The following GCH1 variants were observed in gnomAD, a reference collection of about 807,000 sequenced individuals.
GCH1 encodes the protein GTP cyclohydrolase I.
In GCH1, 5 loss-of-function variants were observed where a neutral mutation model predicts 25.9. That is an observed-to-expected ratio of 0.19 (90% CI 0.10 to 0.41). The LOEUF (loss-of-function observed/expected upper bound fraction) is 0.41. GCH1 is among the 10% of genes least tolerant of loss of function. The pLI, the probability that GCH1 is intolerant of heterozygous loss-of-function variation, is 1.00. For missense variants in GCH1, 261 were observed against 336.5 expected (o/e 0.78, Z 1.75); for synonymous variants, 159 against 129.6 (o/e 1.23, Z -1.54).
Position 54,843,149 on chromosome 14 carries a change from A to T in GCH1, c.*868T>A. 6.6e-7 allele frequency: 1 copy of T among 1,515,858 alleles called. No homozygotes were observed. The allele number at this position is 1,515,858 out of a possible 1,614,324, so 93.9% of individuals were successfully genotyped here. A position where few individuals can be genotyped will look rare whatever the true frequency, so the allele number is the denominator to read the frequency against. Reference sequence around the variant, plus strand: ...AGAAGAAGAAGAAACATTTTGAGGCATCTACATGGATCACACAAAGGAAAC... The same window carrying T: ...AGAAGAAGAAGAAACATTTTGAGGCTTCTACATGGATCACACAAAGGAAAC... On this transcript the variant is annotated 3_prime_UTR_variant, in exon 6 of 6. Transcript: ENST00000491895.
At chr14:54,852,103 A>G (rs2039740160) in intron 3 of GCH1, among the ~76,000 whole-genome samples, 1 of 152,162 alleles carries the variant, frequency 6.6e-6, no homozygotes, top group African/African-American at 2.4e-5. Context: ...TTTTTAATAT[A>G]TAGTAAGTCC....
intron 1 of GCH1, among the ~76,000 whole-genome samples, chr14:54,881,856 A>G (rs1410083441): frequency 6.6e-6 from 1 of 152,196 alleles, no homozygotes; most frequent in Non-Finnish European, 1.5e-5. Context: ...ATTGAAATAG[A>G]TGTTCTCAGC....
At chr14:54,853,223 C>T (rs1594977001) in intron 3 of GCH1, among the ~76,000 whole-genome samples, 1 of 152,282 alleles carries the variant, frequency 6.6e-6, no homozygotes, top group East Asian at 1.9e-4. Flanking sequence ...CTTGGCCTCC[C>T]AAAGTGCTGA....
At chr14:54,870,261 G>T (rs775728445) in intron 1 of GCH1, among the ~76,000 whole-genome samples, 2 of 150,404 alleles carry the variant, frequency 1.3e-5, no homozygotes, top group African/African-American at 4.9e-5. Flanking sequence ...ACTTTGGGAG[G>T]CGAAGGTGAG....
chr14:54,893,014 G>A (rs911023455), intron 1 of GCH1, among the ~76,000 whole-genome samples: 1 of 152,154 alleles, frequency 6.6e-6, no homozygotes, highest in African/African-American at 2.4e-5. Context: ...GGGCGGCAGA[G>A]GTTTCAGTGA....
At chr14:54,901,178 C>CGCT (rs2044220950) in intron 1 of GCH1, among the ~76,000 whole-genome samples, 1 of 150,924 alleles carries the variant, frequency 6.6e-6, no homozygotes, top group African/African-American at 2.4e-5. Flanking sequence ...TTGGTGGAAT[C>CGCT]GCTCTACACT....
chr14:54,843,201 A>T lies in GCH1; in HGVS notation c.*816T>A. 1 of 1,450,642 alleles carries T rather than the reference A, an allele frequency of 6.9e-7. No individual in the cohort carries two copies. Among genetic ancestry groups the T allele is most frequent in the East Asian group, 2.5e-5 (1 of 40,044 alleles). The allele number at this position is 1,450,642 out of a possible 1,614,324, so 89.9% of individuals were successfully genotyped here. A position where few individuals can be genotyped will look rare whatever the true frequency, so the allele number is the denominator to read the frequency against. ...CAATAAACCTATAAAGTTAAAACTG[A>T]GCTGACTAGTTATTTGCAGTGTGAG... On this transcript the variant is annotated 3_prime_UTR_variant, in exon 6 of 6. Coordinates refer to ENST00000491895, the MANE Select transcript of GCH1 (RefSeq NM_000161.3).
chr14:54,858,528 C>A (rs543588785), intron 3 of GCH1, among the ~76,000 whole-genome samples: 1 of 151,976 alleles, frequency 6.6e-6, no homozygotes, highest in Non-Finnish European at 1.5e-5. Flanking sequence ...TCAAGTGATC[C>A]GCCCGCCTCA....
At chr14:54,881,562 T>C (rs1291098491) in intron 1 of GCH1, among the ~76,000 whole-genome samples, 3 of 152,148 alleles carry the variant, frequency 2.0e-5, no homozygotes, top group Non-Finnish European at 4.4e-5. Context: ...TTTGGAAAAC[T>C]TGGCCAAAAT....
intron 1 of GCH1, among the ~76,000 whole-genome samples, chr14:54,900,280 G>A (rs1750183573): frequency 6.6e-6 from 1 of 151,886 alleles, no homozygotes; most frequent in Non-Finnish European, 1.5e-5. Flanking sequence ...TGCAATCTCG[G>A]CTCACTGCAA....
chr14:54,863,447 A>G (rs1326506044), intron 2 of GCH1, among the ~76,000 whole-genome samples: 10 of 134,864 alleles, frequency 7.4e-5, no homozygotes, highest in Non-Finnish European at 1.3e-4. Flanking sequence ...AAAAAAAAAA[A>G]GCATGCACAT....
In GCH1 at chr14:54,897,294, C is replaced by CT. The variant is rs905233848; in HGVS notation, c.343+5026dup. 3.9e-3 allele frequency among the ~76,000 whole-genome samples: 541 copies of CT among 137,916 alleles called. 6 individuals carry two copies. Among genetic ancestry groups the CT allele is most frequent in the African/African-American group, 0.014 (501 of 35,024 alleles). The allele number at this position is 137,916 out of a possible 152,430, so 90.5% of individuals were successfully genotyped here. A position where few individuals can be genotyped will look rare whatever the true frequency, so the allele number is the denominator to read the frequency against. ...AGCCCCCGTGCCCAACCTCTACTCA[C>CT]TTTTTTTTTCTGAGACTGAGTTTCG... On this transcript the variant is annotated intron_variant, in intron 1 of 5. Coordinates refer to ENST00000491895, the MANE Select transcript of GCH1 (RefSeq NM_000161.3).
Position 54,902,595 on chromosome 14 carries a change from G to C in GCH1, c.69C>G (p.Pro23=), listed in dbSNP as rs767294964. The change falls in exon 1 of 6, where the codon CCC becomes CCG. Residue 23 remains proline (P), a synonymous_variant. Coordinates refer to ENST00000491895, the MANE Select transcript of GCH1 (RefSeq NM_000161.3). The part of the protein sequence containing the change: ...PRGARCSNGF[P]ERDPPRPGPS... ...GCCCGGGCCGCGGCGGATCCCGCTC[G>C]GGGAACCCATTGCTGCACCTGGCGC... The C allele has an allele frequency of 6.7e-7, 1 of 1,499,860 alleles. No individual in the cohort carries two copies. Among genetic ancestry groups the C allele is most frequent in the East Asian group, 2.8e-5 (1 of 35,938 alleles). The allele number at this position is 1,499,860 out of a possible 1,614,324, so 92.9% of individuals were successfully genotyped here.
chr14:54,880,692 CATATATATATA>C (rs1566677114), intron 1 of GCH1, among the ~76,000 whole-genome samples: 24 of 1,044 alleles, frequency 0.023, 1 homozygote, highest in Non-Finnish European at 0.057. Flanking sequence ...TATATATACT[CATATATATATA>C]CTCCATATAT....
rs150158277 is a variant in GCH1 at position 54,859,683 on chromosome 14, C to T, written c.507G>A (p.Ala169=). The T allele has an allele frequency of 6.3e-4, 1,001 of 1,576,860 alleles. 16 individuals are homozygous for T. Among genetic ancestry groups the T allele is most frequent in the Non-Finnish European group, 1.3e-4 (146 of 1,146,114 alleles). ...NKQVLGLSKL[A]RIVEIYSRRL... ...GTTCACTGCACAGTCACACTTACCT[C>T]GCAAGTTTGCTGAGGCCAAGGACTT... Residue 169 remains alanine (A), a splice_region_variant and synonymous_variant, in exon 3 of 6, where the codon GCG becomes GCA. Transcript: ENST00000491895.
intron 2 of GCH1, among the ~76,000 whole-genome samples, chr14:54,861,592 G>A (rs1312703021): frequency 1.3e-5 from 2 of 151,866 alleles, no homozygotes; most frequent in Non-Finnish European, 2.9e-5. Context: ...GCGTGGTGGC[G>A]GGTGCCTGTA....
chr14:54,895,089 GA>G (rs2040467666), intron 1 of GCH1, among the ~76,000 whole-genome samples: 1 of 152,168 alleles, frequency 6.6e-6, no homozygotes, highest in Non-Finnish European at 1.5e-5. Flanking sequence ...GATTCAAAAA[GA>G]AAAACCTTTT....
At chr14:54,871,641 G>C (rs1594996525) in intron 1 of GCH1, among the ~76,000 whole-genome samples, 2 of 152,166 alleles carry the variant, frequency 1.3e-5, no homozygotes, top group Non-Finnish European at 2.9e-5. Context: ...CCAATGCAGA[G>C]AAGTCCTTAA....
intron 1 of GCH1, among the ~76,000 whole-genome samples, chr14:54,887,429 C>CAAA (rs149856065): frequency 1.3e-5 from 2 of 151,942 alleles, no homozygotes; most frequent in African/African-American, 4.8e-5. Context: ...AACAAACAAA[C>CAAA]AAAAATCATA....
Sources: allele counts gnomAD v4.1 joint callset (sites outside exome capture counted in the v4.1 genomes callset), GRCh38; gene constraint gnomAD v4.1.1; transcripts MANE v1.5; gene names NCBI Gene and HGNC (gene_info 2026-07-23, HGNC 2026-07-21).